COG5: variants seen among roughly 807,000 people sequenced by gnomAD.
The protein encoded by COG5 is conserved oligomeric Golgi complex subunit 5.
In COG5, 86 loss-of-function variants were observed where a neutral mutation model predicts 110.4. The ratio of observed to expected loss-of-function variants is 0.78; its 90% CI spans 0.65 to 0.93. The LOEUF is 0.93. COG5 is among the 40% of genes least tolerant of loss of function. COG5 has a pLI of 0.00. For missense variants in COG5, 1,077 were observed against 987.0 expected, an observed-to-expected ratio of 1.09 and a Z score of -1.22; for synonymous variants, 360 against 334.6, an observed-to-expected ratio of 1.08 and a Z score of -0.83.
intron 7 of COG5, among the ~76,000 whole-genome samples, chr7:107,381,932 T>G (rs903356183): frequency 4.6e-5 from 7 of 152,230 alleles, no homozygotes; most frequent in African/African-American, 7.2e-5. Flanking sequence ...CTCTAAAATT[T>G]GGAAACTATC....
chr7:107,250,042 A>G (rs1802375235), intron 16 of COG5, among the ~76,000 whole-genome samples: 1 of 152,162 alleles, frequency 6.6e-6, no homozygotes, highest in African/African-American at 2.4e-5. Context: ...TCCTAAAGGT[A>G]CCAGGAAACC....
chr7:107,245,091 CA>C (rs1482833773), intron 17 of COG5, among the ~76,000 whole-genome samples: 4 of 152,144 alleles, frequency 2.6e-5, no homozygotes, highest in Non-Finnish European at 5.9e-5. Context: ...TTAATCACAT[CA>C]ACAGAGCTAA....
At chr7:107,467,649 G>A (rs1369622172) in intron 6 of COG5, among the ~76,000 whole-genome samples, 1 of 152,056 alleles carries the variant, frequency 6.6e-6, no homozygotes, top group Non-Finnish European at 1.5e-5. Context: ...ACTGCACCCG[G>A]TCTGTAATTA....
chr7:107,423,999 G>A (rs1052210452), intron 6 of COG5, among the ~76,000 whole-genome samples: 3 of 152,128 alleles, frequency 2.0e-5, no homozygotes, highest in Admixed American at 6.6e-5. Context: ...GAGACTGAGC[G>A]CAGTGGCTCA....
At chr7:107,428,606 T>C (rs182687892) in intron 6 of COG5, among the ~76,000 whole-genome samples, 115 of 152,326 alleles carry the variant, frequency 7.5e-4, no homozygotes, top group African/African-American at 2.3e-3. Flanking sequence ...CAGAACTATG[T>C]AAGAATAATT....
At chr7:107,512,150 C>T (rs374196041) in intron 6 of COG5, among the ~76,000 whole-genome samples, 174 of 152,040 alleles carry the variant, frequency 1.1e-3, no homozygotes, top group Middle Eastern at 3.4e-3. Context: ...GAAAACCCCA[C>T]TGTCTCAGCC....
intron 7 of COG5, among the ~76,000 whole-genome samples, chr7:107,395,675 C>G (rs1790947960): frequency 6.6e-6 from 1 of 151,044 alleles, no homozygotes; most frequent in African/African-American, 2.4e-5. Context: ...CTGCCTCAGC[C>G]TCCCAAGTAG....
At chr7:107,357,118 A>G (rs2129044135) in intron 10 of COG5, among the ~76,000 whole-genome samples, 1 of 152,290 alleles carries the variant, frequency 6.6e-6, no homozygotes, top group African/African-American at 2.4e-5. Flanking sequence ...TCTATTGCCA[A>G]TGATAATTAT....
intron 6 of COG5, among the ~76,000 whole-genome samples, chr7:107,427,847 G>T (rs972137026): frequency 2.0e-5 from 3 of 152,184 alleles, no homozygotes; most frequent in Non-Finnish European, 4.4e-5. Context: ...CAAGGGTTGA[G>T]AAGGGCAGAG....
intron 6 of COG5, among the ~76,000 whole-genome samples, chr7:107,520,490 TACACCA>T (rs1262077770): frequency 2.0e-5 from 3 of 152,102 alleles, no homozygotes; most frequent in Non-Finnish European, 4.4e-5. Flanking sequence ...AGCATTCCTA[TACACCA>T]ACAACAGGCA....
intron 6 of COG5, among the ~76,000 whole-genome samples, chr7:107,523,420 G>C (rs1800474837): frequency 6.6e-6 from 1 of 151,824 alleles, no homozygotes; most frequent in African/African-American, 2.4e-5. Context: ...CTCAAAACAA[G>C]ATACCACGAC....
chr7:107,512,130 T>C (rs1249640931), intron 6 of COG5, among the ~76,000 whole-genome samples: 2 of 152,334 alleles, frequency 1.3e-5, no homozygotes, highest in East Asian at 3.9e-4. Context: ...ATGACATGAT[T>C]GTATATCTAG....
chr7:107,451,664 A>AT (rs2129093978), intron 6 of COG5, among the ~76,000 whole-genome samples: 1 of 152,272 alleles, frequency 6.6e-6, no homozygotes, highest in East Asian at 1.9e-4. Flanking sequence ...CCGACTCAAC[A>AT]TGAAGACGAT....
chr7:107,542,871 G>A (rs550616689), intron 5 of COG5, among the ~76,000 whole-genome samples: 1 of 151,874 alleles, frequency 6.6e-6, no homozygotes, highest in East Asian at 1.9e-4. Context: ...TACTTGGGAA[G>A]CTAAGGCAGG....
At chr7:107,479,900 A>C (rs1031775748) in intron 6 of COG5, among the ~76,000 whole-genome samples, 1 of 152,174 alleles carries the variant, frequency 6.6e-6, no homozygotes, top group African/African-American at 2.4e-5. Context: ...AAAAATACAC[A>C]GTGAGAAAAT....
At chr7:107,439,061 G>A (rs1230231135) in intron 6 of COG5, among the ~76,000 whole-genome samples, 1 of 151,990 alleles carries the variant, frequency 6.6e-6, no homozygotes, top group African/African-American at 2.4e-5. Flanking sequence ...CTCTTCTAAT[G>A]ATCCTGTGTT....
At position 107,502,816 on chromosome 7, in the gene COG5, T is replaced by G. The variant is rs192224891; in HGVS notation, c.538+24421A>C. On this transcript the variant is annotated intron_variant, in intron 6 of 21. Transcript: ENST00000297135. ...TTCTCGACCATTTGCATATCTTCTT[T>G]TGAGAAATGTCTATTCATGTCATTT... is the stretch of plus-strand genomic sequence containing the variant. Among the ~76,000 whole-genome samples, 7 of 152,326 alleles carry G rather than the reference T, an allele frequency of 4.6e-5. No individual in the cohort carries two copies. In the East Asian group the frequency reaches 1.3e-3, roughly 29 times the overall value.
At chr7:107,274,270 A>AT (rs1383211641) in intron 14 of COG5, among the ~76,000 whole-genome samples, 1 of 152,212 alleles carries the variant, frequency 6.6e-6, no homozygotes, top group African/African-American at 2.4e-5. Flanking sequence ...TACGCCCTGC[A>AT]TAACAGTCTG....
chr7:107,439,640 A>G (rs1794587046), intron 6 of COG5, among the ~76,000 whole-genome samples: 1 of 152,042 alleles, frequency 6.6e-6, no homozygotes, highest in Non-Finnish European at 1.5e-5. Flanking sequence ...TTAACTACAT[A>G]TGTAACAATT....
Sources: allele counts gnomAD v4.1 joint callset (sites outside exome capture counted in the v4.1 genomes callset), GRCh38; gene constraint gnomAD v4.1.1; transcripts MANE v1.5; gene names NCBI Gene and HGNC (gene_info 2026-07-23, HGNC 2026-07-21).